Variants in DYNC2H1 observed in about 807,000 individuals in gnomAD.
DYNC2H1 encodes dynein cytoplasmic 2 heavy chain 1, also known as cytoplasmic dynein 2 heavy chain 1.
In DYNC2H1, 410 loss-of-function variants were observed where a neutral mutation model predicts 570.0. The observed-to-expected ratio is 0.72, with a 90% CI of 0.66 to 0.78. DYNC2H1 has a LOEUF of 0.78. Ranked by LOEUF, DYNC2H1 falls within the 30% of genes least tolerant of loss-of-function variation. The probability of loss-of-function intolerance (pLI) is 0.00; values close to 1 mark genes in which losing one functional copy is unlikely to be tolerated. For synonymous variants in DYNC2H1, 1,688 were observed against 1,677.6 expected, an observed-to-expected ratio of 1.01 and a Z score of -0.15; for missense variants, 4,865 against 5,046.4, an observed-to-expected ratio of 0.96 and a Z score of 1.09.
At chr11:103,411,074 C>A (rs946380388) in intron 84 of DYNC2H1, among the ~76,000 whole-genome samples, 1 of 152,078 alleles carries the variant, frequency 6.6e-6, no homozygotes, top group African/African-American at 2.4e-5. Context: ...TGTGCAAACC[C>A]ATCTAGACAT....
At chr11:103,230,390 A>G (rs1475747843) in intron 59 of DYNC2H1, among the ~76,000 whole-genome samples, 1 of 152,108 alleles carries the variant, frequency 6.6e-6, no homozygotes, top group Non-Finnish European at 1.5e-5. Flanking sequence ...ATTTGTGGGT[A>G]TTTTGAGAGG....
chr11:103,204,918 G>A lies in DYNC2H1; in HGVS notation c.8408G>A (p.Cys2803Tyr). ...CESNPALHKK[C>Y]QVLWMEGWSN... ...AGTAATCCAGCTTTGCATAAGAAAT[G>A]CCAGGTGTTGTGGATGGAGGGTTGG... Residue 2803 changes from cysteine to tyrosine, a missense_variant, in exon 52 of 89, where the codon TGC becomes TAC. Cys to Tyr is a radical substitution (Grantham distance 194). This residue lies in a region of DYNC2H1 where 2,401 missense variants were observed against 2,454.6 expected (regional missense o/e 0.98). Coordinates refer to ENST00000375735, the MANE Select transcript of DYNC2H1 (RefSeq NM_001377.3). This position sits in a 1 kb window ranked among gnomAD's most constrained non-coding sequence, Gnocchi z 4.1. 1.3e-6 allele frequency: 2 copies of A among 1,593,680 alleles called. No individual in the cohort carries two copies. Among genetic ancestry groups the A allele is most frequent in the Non-Finnish European group, 1.7e-6 (2 of 1,168,784 alleles).
chr11:103,357,213 G>C (rs1442926301), intron 82 of DYNC2H1, among the ~76,000 whole-genome samples: 2 of 151,818 alleles, frequency 1.3e-5, no homozygotes, highest in East Asian at 3.9e-4. Flanking sequence ...TCTTAAAATG[G>C]GAATCATTAA....
rs1182339866 is a variant in DYNC2H1, at chr11:103,245,331, A to G, written c.9999A>G (p.Glu3333=). The G allele has an allele frequency of 1.3e-6, 2 of 1,580,614 alleles. No homozygotes were observed. Among genetic ancestry groups the G allele is most frequent in the South Asian group, 2.3e-5 (2 of 85,988 alleles). The part of the protein sequence containing the change: ...TLIIQEMDGV[E]PVLYPLLRRD... Reference sequence around the variant, plus strand: ...TTATACAAGAGATGGATGGTGTAGAACCTGTTCTTTATCCATTATTGAGAC... The same window carrying G: ...TTATACAAGAGATGGATGGTGTAGAGCCTGTTCTTTATCCATTATTGAGAC... The change falls in exon 65 of 89, where the codon GAA becomes GAG. Residue 3333 remains glutamate, a synonymous_variant. Coordinates refer to ENST00000375735, the MANE Select transcript of DYNC2H1 (RefSeq NM_001377.3). This position sits in a 1 kb window ranked among gnomAD's most constrained non-coding sequence, Gnocchi z 4.5.
chr11:103,383,889 C>A (rs1941768726), intron 83 of DYNC2H1, among the ~76,000 whole-genome samples: 1 of 152,136 alleles, frequency 6.6e-6, no homozygotes, highest in Non-Finnish European at 1.5e-5. Flanking sequence ...TAAATATTTT[C>A]TAAATTTCAT....
chr11:103,161,018 A>G lies in DYNC2H1; in HGVS notation c.4465A>G (p.Lys1489Glu), dbSNP rs781478859. ...GGGAGAAGTTGTACCTTTTAAAAAT[A>G]AAGTTCCTCTATCAAATAATGTAGA... ...LEGEVVPFKN[K>E]VPLSNNVETW... is the part of the protein sequence containing the mutation. Residue 1489 changes from lysine (K) to glutamate (E), a missense_variant, in exon 29 of 89, where the codon AAA becomes GAA. By Grantham distance (56) the Lys-to-Glu change is moderately conservative. Around this residue, in one of 5 missense-constraint regions of DYNC2H1, gnomAD observed 1,936 missense variants for 1,962.1 expected, o/e 0.99. Coordinates refer to ENST00000375735, the MANE Select transcript of DYNC2H1 (RefSeq NM_001377.3). The G allele has an allele frequency of 2.0e-6, 3 of 1,528,066 alleles. No homozygotes were observed. Among genetic ancestry groups the G allele is most frequent in the African/African-American group, 1.4e-5 (1 of 71,264 alleles). The allele number at this position is 1,528,066 out of a possible 1,614,324, so 94.7% of individuals were successfully genotyped here. A position where few individuals can be genotyped will look rare whatever the true frequency, so the allele number is the denominator to read the frequency against.
intron 83 of DYNC2H1, among the ~76,000 whole-genome samples, chr11:103,359,600 A>G (rs984064881): frequency 4.6e-5 from 7 of 151,876 alleles, no homozygotes; most frequent in Admixed American, 1.3e-4. Flanking sequence ...CCTGTGACCC[A>G]ACTCAAGATT....
intron 84 of DYNC2H1, among the ~76,000 whole-genome samples, chr11:103,426,343 G>A (rs1186298864): frequency 1.3e-5 from 2 of 152,188 alleles, no homozygotes; most frequent in African/African-American, 4.8e-5. Context: ...ATTTCTGTGT[G>A]TGTGTCTTTA....
rs1409966102 is a variant in DYNC2H1, at chr11:103,299,953, T to G, written c.11096-3140T>G. Among the ~76,000 whole-genome samples the G allele has an allele frequency of 6.6e-6, 1 of 152,072 alleles. No homozygotes were observed. Among genetic ancestry groups the G allele is most frequent in the Non-Finnish European group, 1.5e-5 (1 of 67,980 alleles). On this transcript the variant is annotated intron_variant, in intron 75 of 88. Coordinates refer to ENST00000375735, the MANE Select transcript of DYNC2H1 (RefSeq NM_001377.3). This position sits in a 1 kb window ranked among gnomAD's most constrained non-coding sequence, Gnocchi z 4.5. ...ATTTAATTGGTTCATATATATTGGG[T>G]TAGGTAGTGGCTGTTGATTTTCCTC...
At chr11:103,198,105 A>G (rs1862573180) in intron 48 of DYNC2H1, 42 bp downstream of exon 48, 7 of 1,526,772 alleles carry the variant, frequency 4.6e-6, no homozygotes, top group Non-Finnish European at 6.2e-6. Context: ...TTTGGTCATT[A>G]TAGTCTTTTA....
chr11:103,292,473 T>C (rs1176011161), intron 75 of DYNC2H1, among the ~76,000 whole-genome samples: 1 of 152,174 alleles, frequency 6.6e-6, no homozygotes, highest in Non-Finnish European at 1.5e-5. Flanking sequence ...CTCTTAACAA[T>C]TTATTGTAGT....
chr11:103,236,523 C>G lies in DYNC2H1; in HGVS notation c.9803C>G (p.Ala3268Gly). The G allele has an allele frequency of 6.3e-7, 1 of 1,584,284 alleles. No homozygotes were observed. Among genetic ancestry groups the G allele is most frequent in the South Asian group, 1.1e-5 (1 of 89,156 alleles). The change falls in exon 63 of 89, where the codon GCT (alanine) becomes GGT (glycine). Residue 3268 changes from alanine to glycine, a missense_variant. Ala to Gly is a moderately conservative substitution (Grantham distance 60). Transcript: ENST00000375735. Reference sequence around the variant, plus strand: ...TCAGATGACCTTTCCATAGAAAATGCTCTTGTAATATTACAGGTAGTTAAT... The same window carrying G: ...TCAGATGACCTTTCCATAGAAAATGGTCTTGTAATATTACAGGTAGTTAAT... ...LPSDDLSIENALVILQSRVCP... is the reference protein window; with the variant it reads ...LPSDDLSIENGLVILQSRVCP...
At chr11:103,114,053 A>G in intron 2 of DYNC2H1, 50 bp from the exon 3 acceptor site, 1 of 1,585,316 alleles carries the variant, frequency 6.3e-7, no homozygotes. Context: ...AGCCAATTTG[A>G]TTAGCAAAAT....
chr11:103,180,431 A>G (rs761656660), intron 39 of DYNC2H1, among the ~76,000 whole-genome samples: 4 of 151,696 alleles, frequency 2.6e-5, no homozygotes, highest in Non-Finnish European at 4.4e-5. Flanking sequence ...TACTATTAAT[A>G]TTTAGCAGAA....
intron 45 of DYNC2H1, among the ~76,000 whole-genome samples, chr11:103,190,699 A>G (rs746226491): frequency 1.3e-5 from 2 of 152,154 alleles, no homozygotes; most frequent in African/African-American, 2.4e-5. Context: ...AAAAATAAAG[A>G]TGTTAAGTAA....
At position 103,439,528 on chromosome 11, in the gene DYNC2H1, A is replaced by C. The variant is rs1944185366; in HGVS notation, c.12456+3496A>C. The stretch of plus-strand genomic sequence containing the variant: ...TTGCAGCATTTTAAGAAGGAAAGTC[A>C]GATTATGTTTTAAAGGGACTGTTTT... On this transcript the variant is annotated intron_variant, in intron 85 of 88. Coordinates refer to ENST00000375735, the MANE Select transcript of DYNC2H1 (RefSeq NM_001377.3). This position sits in a 1 kb window ranked among gnomAD's most constrained non-coding sequence, Gnocchi z 4.1. Among the ~76,000 whole-genome samples, 3 of 152,082 alleles carry C rather than the reference A, an allele frequency of 2.0e-5. No individual in the cohort carries two copies. Among genetic ancestry groups the C allele is most frequent in the Admixed American group, 2.0e-4 (3 of 15,268 alleles).
chr11:103,303,686 A>G (rs185075228), intron 76 of DYNC2H1, among the ~76,000 whole-genome samples: 1 of 152,262 alleles, frequency 6.6e-6, no homozygotes, highest in East Asian at 1.9e-4. Flanking sequence ...ATTATCTTTT[A>G]GAGCCTTTAG....
chr11:103,175,985 A>G (rs1436336711), intron 36 of DYNC2H1, among the ~76,000 whole-genome samples: 2 of 152,138 alleles, frequency 1.3e-5, no homozygotes, highest in Non-Finnish European at 2.9e-5. Context: ...ATTATTAATT[A>G]AAGTCTTGGT....
intron 83 of DYNC2H1, among the ~76,000 whole-genome samples, chr11:103,394,261 T>C (rs1186336049): frequency 6.6e-6 from 1 of 152,156 alleles, no homozygotes; most frequent in African/African-American, 2.4e-5. Flanking sequence ...CACTTGACAA[T>C]TTGCTATGAA....
Sources: gnomAD v4.1 joint callset for allele counts (sites outside exome capture counted in the v4.1 genomes callset) on GRCh38, gnomAD v4.1.1 for gene constraint, gnomAD v4.1.1 regional missense constraint, Gnocchi (gnomAD v3.1) non-coding constraint, MANE v1.5 for transcripts, NCBI Gene and HGNC (gene_info 2026-07-23, HGNC 2026-07-21) for gene names.